NR3C1: variants seen among roughly 807,000 people sequenced by gnomAD.
NR3C1 encodes the protein nuclear receptor subfamily 3 group C member 1.
In NR3C1, 14 loss-of-function variants were observed where a neutral mutation model predicts 74.0. The ratio of observed to expected loss-of-function variants is 0.19; its 90% CI spans 0.12 to 0.30. The LOEUF (loss-of-function observed/expected upper bound fraction) is 0.30, where lower values mean the gene tolerates loss of function less well. Among genes scored for constraint, NR3C1 ranks in the 10% least tolerant of loss-of-function variants. The pLI, the probability that NR3C1 is intolerant of heterozygous loss-of-function variation, is 1.00. For synonymous variants in NR3C1, 308 were observed against 332.5 expected (o/e 0.93, Z 0.80); for missense variants, 695 against 909.8 (o/e 0.76, Z 3.04).
At chr5:143,391,975 C>CT (rs1256014010) in intron 2 of NR3C1, among the ~76,000 whole-genome samples, 31 of 146,966 alleles carry the variant, frequency 2.1e-4, no homozygotes, top group South Asian at 1.1e-3. Context: ...TTTTTTTTTT[C>CT]TTTTTTTTGA....
chr5:143,332,809 AG>A, intron 2 of NR3C1: 1 of 1,502,418 alleles, frequency 6.7e-7, no homozygotes, highest in South Asian at 1.1e-5. Flanking sequence ...TTACGGGTGC[AG>A]AGAACCACTG....
intron 2 of NR3C1, among the ~76,000 whole-genome samples, chr5:143,342,144 G>T (rs1828356366): frequency 6.6e-6 from 1 of 151,722 alleles, no homozygotes; most frequent in African/African-American, 2.4e-5. Flanking sequence ...AAAAAACCAA[G>T]AAACTATTAC....
At chr5:143,379,961 G>C (rs1318097754) in intron 2 of NR3C1, among the ~76,000 whole-genome samples, 1 of 152,130 alleles carries the variant, frequency 6.6e-6, no homozygotes, top group Non-Finnish European at 1.5e-5. Flanking sequence ...AATATGGAAG[G>C]ATACTATTCT....
rs551938157 is a variant in NR3C1, at chr5:143,427,880, G to A, written c.-14+6652C>T. Among the ~76,000 whole-genome samples, 4 of 152,254 alleles carry A rather than the reference G, an allele frequency of 2.6e-5. No individual in the cohort carries two copies. The South Asian group carries it at 6.2e-4, about 24-fold the overall frequency. ...GAGGGTTTTAACCACAATTCCTACC[G>A]ATAGACTTGTGAGGTCATCATGGAA... On this transcript the variant is annotated intron_variant, in intron 1 of 8. Coordinates refer to the NR3C1 transcript ENST00000343796.
At chr5:143,346,895 A>G (rs1052534505) in intron 2 of NR3C1, among the ~76,000 whole-genome samples, 1 of 152,236 alleles carries the variant, frequency 6.6e-6, no homozygotes, top group Admixed American at 6.5e-5. Context: ...TGCTTGGCAG[A>G]AATAGTGAAT....
Position 143,348,494 on chromosome 5 carries a change from C to T in NR3C1, c.1185-34326G>A, listed in dbSNP as rs148135393. 2.8e-3 allele frequency among the ~76,000 whole-genome samples: 424 copies of T among 152,308 alleles called. 3 individuals carry two copies. The highest frequency in any genetic ancestry group is 9.9e-3 in the African/African-American group (412 of 41,568). ...AGTCGACTGATATGCATGTTCCCAG[C>T]TGAAGTCAAACGAAGTGACACGCCA... is the stretch of plus-strand genomic sequence containing the variant. On this transcript the variant is annotated intron_variant, in intron 2 of 8. Coordinates refer to ENST00000394464, the MANE Select transcript of NR3C1 (RefSeq NM_000176.3).
intron 2 of NR3C1, among the ~76,000 whole-genome samples, chr5:143,393,017 G>A (rs748091219): frequency 1.3e-5 from 2 of 151,984 alleles, no homozygotes; most frequent in Non-Finnish European, 1.5e-5. Flanking sequence ...TTTCTCATTC[G>A]AAAAAATTAG....
chr5:143,347,529 G>T (rs1305036331), intron 2 of NR3C1, among the ~76,000 whole-genome samples: 1 of 152,118 alleles, frequency 6.6e-6, no homozygotes, highest in African/African-American at 2.4e-5. Context: ...CTATTCAAAG[G>T]GATAGAGAGT....
At chr5:143,402,574 C>G (rs1436730592) in intron 1 of NR3C1, 14 of 984,048 alleles carry the variant, frequency 1.4e-5, no homozygotes, top group Middle Eastern at 1.0e-3. Flanking sequence ...GAAAAAAGTG[C>G]GAGGTTAAAA....
intron 1 of NR3C1, chr5:143,402,879 AC>A (rs1840596620): frequency 1.0e-6 from 1 of 965,862 alleles, no homozygotes; most frequent in Admixed American, 6.2e-5. Context: ...GAAAGGGGAC[AC>A]TAGGGGGAGA....
chr5:143,400,033 A>G lies in NR3C1; in HGVS notation c.807T>C (p.Ser269=), dbSNP rs537189647. 1 of 1,614,068 alleles carries G rather than the reference A, an allele frequency of 6.2e-7. No homozygotes were observed. Among genetic ancestry groups the G allele is most frequent in the Non-Finnish European group, 8.5e-7 (1 of 1,180,040 alleles). The change falls in exon 2 of 9, where the codon AGT becomes AGC. Residue 269 remains serine, a synonymous_variant. Transcript: ENST00000394464. ...DNGDLVLSSP[S]NVTLPQVKTE... Reference sequence around the variant, plus strand: ...TTTTCACTTGGGGCAGTGTTACATTACTGGGGCTTGACAAAACCAGATCTC... The same window carrying G: ...TTTTCACTTGGGGCAGTGTTACATTGCTGGGGCTTGACAAAACCAGATCTC...
chr5:143,327,415 T>C (rs1824859038), intron 2 of NR3C1, among the ~76,000 whole-genome samples: 1 of 152,174 alleles, frequency 6.6e-6, no homozygotes, highest in African/African-American at 2.4e-5. Context: ...AACCATATTA[T>C]TTTGCACTTG....
intron 2 of NR3C1, among the ~76,000 whole-genome samples, chr5:143,372,213 A>G (rs906403748): frequency 2.0e-5 from 3 of 152,306 alleles, no homozygotes; most frequent in South Asian, 2.1e-4. Context: ...TTCTTTATAT[A>G]TAAGTCTAGA....
At chr5:143,393,945 C>G (rs1271144921) in intron 2 of NR3C1, among the ~76,000 whole-genome samples, 2 of 152,022 alleles carry the variant, frequency 1.3e-5, no homozygotes, top group East Asian at 3.8e-4. Flanking sequence ...ACTTATTGAA[C>G]TCTCAAATTA....
chr5:143,352,504 CG>C (rs1360204493), intron 2 of NR3C1, among the ~76,000 whole-genome samples: 3 of 151,994 alleles, frequency 2.0e-5, no homozygotes, highest in Non-Finnish European at 2.9e-5. Context: ...ACATATTCTA[CG>C]TTTTTTTTAT....
At chr5:143,334,422 C>T (rs1826676985) in intron 2 of NR3C1, among the ~76,000 whole-genome samples, 2 of 152,196 alleles carry the variant, frequency 1.3e-5, no homozygotes, top group Admixed American at 6.5e-5. Context: ...ATGTCAAGCA[C>T]CTCTCATCAC....
intron 2 of NR3C1, chr5:143,375,692 A>G (rs1293872407): frequency 2.0e-5 from 3 of 152,260 alleles, no homozygotes; most frequent in Non-Finnish European, 4.4e-5. Flanking sequence ...AAGTAACCAA[A>G]AGATTAGTAA....
chr5:143,412,104 T>C (rs1841312702), intron 1 of NR3C1, among the ~76,000 whole-genome samples: 1 of 151,880 alleles, frequency 6.6e-6, no homozygotes, highest in Non-Finnish European at 1.5e-5. Context: ...TTGAATGGGG[T>C]GAGTGCATAG....
At chr5:143,283,712 C>T (rs1461929862) in intron 7 of NR3C1, among the ~76,000 whole-genome samples, 1 of 152,100 alleles carries the variant, frequency 6.6e-6, no homozygotes, top group Non-Finnish European at 1.5e-5. Flanking sequence ...ATACATTACT[C>T]TTCAGAAAAT....
Sources: allele counts gnomAD v4.1 joint callset (sites outside exome capture counted in the v4.1 genomes callset), GRCh38; gene constraint gnomAD v4.1.1; transcripts MANE v1.5; gene names NCBI Gene and HGNC (gene_info 2026-07-23, HGNC 2026-07-21).